UVRAG: variants seen among roughly 807,000 people sequenced by gnomAD.
UVRAG encodes the protein UV radiation resistance-associated gene protein.
In UVRAG, 19 loss-of-function variants were observed where a neutral mutation model predicts 78.0. That is an observed-to-expected ratio of 0.24 (90% CI 0.17 to 0.36). The LOEUF is 0.36. Ranked by LOEUF, UVRAG falls within the 10% of genes least tolerant of loss-of-function variation. The pLI is 1.00. For synonymous variants in UVRAG, 323 were observed against 324.6 expected (o/e 1.00, Z 0.05); for missense variants, 740 against 853.8 (o/e 0.87, Z 1.66).
chr11:76,075,935 A>AT lies in UVRAG; in HGVS notation c.1305+10155dup, dbSNP rs56391807. ...TATGAGTCATTCCTTTTTGTAGCCAATTTTTTTTGCAGTTGGAAGATGTGT... is the reference window on the plus strand; with the variant it reads ...TATGAGTCATTCCTTTTTGTAGCCAATTTTTTTTTGCAGTTGGAAGATGTGT... On this transcript the variant is annotated intron_variant, in intron 13 of 14. Coordinates refer to ENST00000356136, the MANE Select transcript of UVRAG (RefSeq NM_003369.4). Among the ~76,000 whole-genome samples the AT allele has an allele frequency of 4.0e-5, 6 of 151,754 alleles. No individual in the cohort carries two copies. In the East Asian group the frequency reaches 9.7e-4, roughly 24 times the overall value.
intron 8 of UVRAG, 39 bp from the exon 9 acceptor site, chr11:76,003,966 A>G (rs777123383): frequency 8.3e-6 from 13 of 1,559,892 alleles, no homozygotes; most frequent in Middle Eastern, 3.4e-4. Flanking sequence ...GAGTAATCCT[A>G]TGTTACATAT....
intron 4 of UVRAG, among the ~76,000 whole-genome samples, chr11:75,881,434 G>C (rs1388306790): frequency 6.6e-6 from 1 of 152,216 alleles, no homozygotes; most frequent in East Asian, 1.9e-4. Context: ...ACAAACGGTT[G>C]CATTCTTCTG....
chr11:75,878,317 G>A (rs1946853923), intron 3 of UVRAG: 1 of 190,850 alleles, frequency 5.2e-6, no homozygotes, highest in African/African-American at 2.4e-5. Context: ...GCCGGGAAGA[G>A]GCGCTCCTCA....
intron 1 of UVRAG, among the ~76,000 whole-genome samples, chr11:75,841,687 G>A (rs1268966299): frequency 6.6e-6 from 1 of 152,088 alleles, no homozygotes; most frequent in Non-Finnish European, 1.5e-5. Context: ...AATTTTATAT[G>A]AACTTTAAAA....
At chr11:75,817,915 C>G (rs1240287919) in intron 1 of UVRAG, among the ~76,000 whole-genome samples, 1 of 148,666 alleles carries the variant, frequency 6.7e-6, no homozygotes, top group Admixed American at 6.7e-5. Context: ...AAAAAAAAAG[C>G]CAGATGTGGT....
intron 5 of UVRAG, among the ~76,000 whole-genome samples, chr11:75,906,595 A>T (rs1228172564): frequency 6.6e-6 from 1 of 151,948 alleles, no homozygotes; most frequent in Non-Finnish European, 1.5e-5. Context: ...TGATCTGCCC[A>T]CCTCAGCCTC....
chr11:75,818,773 G>A (rs1287429709), intron 1 of UVRAG, among the ~76,000 whole-genome samples: 1 of 152,036 alleles, frequency 6.6e-6, no homozygotes, highest in Admixed American at 6.6e-5. Context: ...CATTGCGCCC[G>A]GCTGGTATCA....
intron 3 of UVRAG, among the ~76,000 whole-genome samples, chr11:75,871,671 T>C (rs893407476): frequency 6.6e-6 from 1 of 152,264 alleles, no homozygotes; most frequent in Non-Finnish European, 1.5e-5. Flanking sequence ...ACATATCCTT[T>C]GCTGAACATA....
intron 14 of UVRAG, among the ~76,000 whole-genome samples, chr11:76,140,165 A>G (rs1414470216): frequency 8.1e-6 from 1 of 123,544 alleles, no homozygotes; most frequent in Non-Finnish European, 1.6e-5. Context: ...CTCCTCTGCC[A>G]GTCCTCTAAT....
intron 6 of UVRAG, among the ~76,000 whole-genome samples, chr11:75,959,000 A>C (rs1474862560): frequency 6.6e-6 from 1 of 152,220 alleles, no homozygotes; most frequent in Non-Finnish European, 1.5e-5. Context: ...AGTAGGTCTC[A>C]AGAGTCCTAA....
rs539505638 is a variant in UVRAG at position 76,083,818 on chromosome 11, G to A, written c.1305+18030G>A. On this transcript the variant is annotated intron_variant, in intron 13 of 14. Transcript: ENST00000356136. The stretch of plus-strand genomic sequence containing the variant: ...CCCCTGAGAATGAAATCATCTGAAC[G>A]GAATGTGCCTGTGTCTTAAAATCTG... 7.9e-5 allele frequency among the ~76,000 whole-genome samples: 12 copies of A among 152,262 alleles called. No individual in the cohort carries two copies. The South Asian group carries it at 2.5e-3, about 32-fold the overall frequency.
At chr11:76,078,598 C>A (rs535654478) in intron 13 of UVRAG, among the ~76,000 whole-genome samples, 1 of 151,402 alleles carries the variant, frequency 6.6e-6, no homozygotes, top group East Asian at 1.9e-4. Flanking sequence ...AACATAACAC[C>A]AACAATTAGA....
intron 13 of UVRAG, among the ~76,000 whole-genome samples, chr11:76,102,406 T>C (rs1244679923): frequency 6.6e-6 from 1 of 152,188 alleles, no homozygotes; most frequent in Admixed American, 6.5e-5. Context: ...TAGTGATTTT[T>C]GTACGCTGAT....
At position 76,034,697 on chromosome 11, in the gene UVRAG, T is replaced by A. The variant is rs1208571104; in HGVS notation, c.1226+17717T>A. 5.9e-5 allele frequency among the ~76,000 whole-genome samples: 9 copies of A among 152,194 alleles called. No homozygotes were observed. In the East Asian group the frequency reaches 1.3e-3, roughly 23 times the overall value. Reference sequence around the variant, plus strand: ...ATTTTATAGTAGCAGTTTGCCATATTTCCTTTTGAGCAAAGACTGGTGTTA... The same window carrying A: ...ATTTTATAGTAGCAGTTTGCCATATATCCTTTTGAGCAAAGACTGGTGTTA... On this transcript the variant is annotated intron_variant, in intron 12 of 14. Transcript: ENST00000356136.
rs933219102 is a variant in UVRAG at position 75,817,860 on chromosome 11, A to G, written c.117+2336A>G. Reference sequence around the variant, plus strand: ...GAAGTTCAAGACCAGCCTGGCCAACATGCTGAAACCCTGTCTCTACTAAAA... The same window carrying G: ...GAAGTTCAAGACCAGCCTGGCCAACGTGCTGAAACCCTGTCTCTACTAAAA... On this transcript the variant is annotated intron_variant, in intron 1 of 14. Transcript: ENST00000356136. Among the ~76,000 whole-genome samples the G allele has an allele frequency of 2.6e-5, 4 of 151,000 alleles. No homozygotes were observed. In the East Asian group the frequency reaches 7.8e-4, roughly 29 times the overall value.
intron 1 of UVRAG, among the ~76,000 whole-genome samples, chr11:75,825,701 GC>G (rs1945495849): frequency 6.6e-6 from 1 of 152,124 alleles, no homozygotes; most frequent in Non-Finnish European, 1.5e-5. Context: ...ATTTATTCTT[GC>G]CCTGGAGTAT....
At chr11:76,051,208 A>G (rs1289076257) in intron 12 of UVRAG, among the ~76,000 whole-genome samples, 1 of 151,836 alleles carries the variant, frequency 6.6e-6, no homozygotes, top group East Asian at 1.9e-4. Flanking sequence ...ATCTTCTGGC[A>G]TTACCAAGTA....
intron 13 of UVRAG, among the ~76,000 whole-genome samples, chr11:76,094,334 C>T (rs911742546): frequency 1.3e-5 from 2 of 152,136 alleles, no homozygotes; most frequent in African/African-American, 4.8e-5. Context: ...TTTGTTGACT[C>T]TCTGCCAGGC....
At chr11:75,927,528 A>G (rs1237756920) in intron 6 of UVRAG, among the ~76,000 whole-genome samples, 1 of 152,254 alleles carries the variant, frequency 6.6e-6, no homozygotes, top group Non-Finnish European at 1.5e-5. Flanking sequence ...GTACATTTTA[A>G]TAGGAAATTC....
Sources: gnomAD v4.1 joint callset for allele counts (sites outside exome capture counted in the v4.1 genomes callset) on GRCh38, gnomAD v4.1.1 for gene constraint, MANE v1.5 for transcripts, NCBI Gene and HGNC (gene_info 2026-07-23, HGNC 2026-07-21) for gene names.